The following KLF8 variants were observed in gnomAD, a reference collection of about 807,000 sequenced individuals.
KLF8 encodes KLF transcription factor 8.
In KLF8, 10 loss-of-function variants were observed where a neutral mutation model predicts 18.2. The ratio of observed to expected loss-of-function variants is 0.55; its 90% CI spans 0.34 to 0.93. The LOEUF is 0.93. KLF8 is among the 40% of genes least tolerant of loss of function. The pLI, the probability that KLF8 is intolerant of heterozygous loss-of-function variation, is 0.02. For missense variants in KLF8, 264 were observed against 277.9 expected (o/e 0.95, Z 0.36); for synonymous variants, 109 against 97.3 (o/e 1.12, Z -0.71).
intron 4 of KLF8, 131 bp downstream of exon 4, chrX:56,269,620 G>A: frequency 2.0e-6 from 2 of 1,005,662 alleles, no homozygotes; most frequent in Non-Finnish European, 1.3e-6. Context: ...AAGAAATATA[G>A]GGAGACTGCC....
the KLF8 span, among the ~76,000 whole-genome samples, chrX:56,007,530 G>A: frequency 9.0e-6 from 1 of 111,235 alleles, no homozygotes; most frequent in Non-Finnish European, 1.9e-5. Context: ...CCACACTGGG[G>A]AGTTCTTTTT....
the KLF8 span, among the ~76,000 whole-genome samples, chrX:56,204,951 C>G: frequency 9.0e-6 from 1 of 110,659 alleles, no homozygotes; most frequent in African/African-American, 3.3e-5. Context: ...CACATCCTTC[C>G]CCACCTTTGT....
chrX:55,928,539 A>T, the KLF8 span, among the ~76,000 whole-genome samples: 1 of 110,382 alleles, frequency 9.1e-6, no homozygotes, highest in African/African-American at 3.3e-5. Flanking sequence ...ACAGGCCCTG[A>T]TGTGTGATGT....
At chrX:56,173,731 G>A in the KLF8 span, among the ~76,000 whole-genome samples, 1 of 111,794 alleles carries the variant, frequency 8.9e-6, no homozygotes. Flanking sequence ...CTACCCATGA[G>A]CATGGAATGT....
intron 5 of KLF8, among the ~76,000 whole-genome samples, chrX:56,275,344 G>GT (rs2067106856): frequency 1.8e-5 from 2 of 111,687 alleles, no homozygotes; most frequent in South Asian, 7.4e-4. Context: ...TTGTATGTCA[G>GT]TTTTTTATCC....
the KLF8 span, among the ~76,000 whole-genome samples, chrX:56,053,574 C>A: frequency 1.2e-5 from 1 of 84,213 alleles, no homozygotes; most frequent in Non-Finnish European, 2.4e-5. Flanking sequence ...TAGTTTCAGC[C>A]GGAATGATAC....
chrX:56,049,176 T>C, the KLF8 span, among the ~76,000 whole-genome samples: 1 of 111,552 alleles, frequency 9.0e-6, no homozygotes. Context: ...GCTGAGACGA[T>C]GGGGTTTTCT....
chrX:56,143,913 A>G, the KLF8 span, among the ~76,000 whole-genome samples: 7 of 112,272 alleles, frequency 6.2e-5, no homozygotes, highest in Non-Finnish European at 1.3e-4. Context: ...TCTATCCAAG[A>G]TAAGTGTCAA....
chrX:56,142,743 C>T, the KLF8 span, among the ~76,000 whole-genome samples: 2 of 111,754 alleles, frequency 1.8e-5, no homozygotes, highest in Non-Finnish European at 3.8e-5. Flanking sequence ...CAAATAATGA[C>T]AATTCCATCT....
intron 1 of KLF8, among the ~76,000 whole-genome samples, chrX:56,244,369 G>A (rs989062831): frequency 1.8e-5 from 2 of 110,738 alleles, no homozygotes; most frequent in Non-Finnish European, 3.8e-5. Flanking sequence ...TAAATTTTTG[G>A]TAGAGATGGG....
chrX:56,265,811 C>G, intron 3 of KLF8, 67 bp downstream of exon 3: 2 of 1,126,245 alleles, frequency 1.8e-6, no homozygotes, highest in Non-Finnish European at 2.3e-6. Flanking sequence ...CATCCTATCT[C>G]CTGTCTCTTT....
At chrX:55,991,126 C>T in the KLF8 span, among the ~76,000 whole-genome samples, 2 of 112,307 alleles carry the variant, frequency 1.8e-5, no homozygotes, top group Non-Finnish European at 3.8e-5. Context: ...GGCAGGCAGG[C>T]CTCCTTGAGC....
At chrX:56,269,151 A>C in intron 3 of KLF8, 2 of 990,864 alleles carry the variant, frequency 2.0e-6, no homozygotes, top group Non-Finnish European at 2.5e-6. Context: ...AGAACTCTTC[A>C]TACTACTCTT....
intron 5 of KLF8, among the ~76,000 whole-genome samples, chrX:56,271,067 A>G (rs2067051468): frequency 8.9e-6 from 1 of 112,582 alleles, no homozygotes; most frequent in Non-Finnish European, 1.9e-5. Context: ...TAGCATTTAC[A>G]TGGTATTAGG....
the KLF8 span, among the ~76,000 whole-genome samples, chrX:56,009,711 T>C: frequency 9.0e-6 from 1 of 111,306 alleles, no homozygotes; most frequent in Non-Finnish European, 1.9e-5. Flanking sequence ...CAAAGAAACA[T>C]GAAAAAAATT....
At chrX:56,188,487 C>A in the KLF8 span, among the ~76,000 whole-genome samples, 2 of 111,732 alleles carry the variant, frequency 1.8e-5, no homozygotes, top group Non-Finnish European at 3.8e-5. Flanking sequence ...ATCAAGCTAC[C>A]AATGACTTTC....
chrX:56,031,897 G>A, the KLF8 span, among the ~76,000 whole-genome samples: 1 of 111,535 alleles, frequency 9.0e-6, no homozygotes, highest in Non-Finnish European at 1.9e-5. Context: ...GGCCGTGATC[G>A]ATCGAGCGAT....
At chrX:56,104,240 G>A in the KLF8 span, among the ~76,000 whole-genome samples, 1 of 111,552 alleles carries the variant, frequency 9.0e-6, no homozygotes, top group African/African-American at 3.3e-5. Context: ...AATGAGTTAG[G>A]GAGGATTCCC....
chrX:56,004,825 A>G, the KLF8 span, among the ~76,000 whole-genome samples: 1 of 110,929 alleles, frequency 9.0e-6, no homozygotes, highest in Non-Finnish European at 1.9e-5. Context: ...CAGCATAATC[A>G]TGAGGTTAGG....
Sources: allele counts gnomAD v4.1 joint callset (sites outside exome capture counted in the v4.1 genomes callset), GRCh38; gene constraint gnomAD v4.1.1; transcripts MANE v1.5; gene names NCBI Gene and HGNC (gene_info 2026-07-23, HGNC 2026-07-21).